DNAJB12: variants seen among roughly 807,000 people sequenced by gnomAD.
DNAJB12 encodes the protein DnaJ heat shock protein family (Hsp40) member B12.
DNAJB12 carries 14 observed loss-of-function variants against 40.6 expected under a neutral mutation model. That is an observed-to-expected ratio of 0.34 (90% CI 0.23 to 0.54). The LOEUF is 0.54. Among genes scored for constraint, DNAJB12 ranks in the 20% least tolerant of loss-of-function variants. The probability of loss-of-function intolerance (pLI) is 0.92; values close to 1 mark genes in which losing one functional copy is unlikely to be tolerated. For synonymous variants in DNAJB12, 181 were observed against 199.5 expected, an observed-to-expected ratio of 0.91 and a Z score of 0.78; for missense variants, 444 against 501.7, an observed-to-expected ratio of 0.89 and a Z score of 1.10.
chr10:72,340,642 G>A (rs1421517947), intron 5 of DNAJB12, 147 bp downstream of exon 5: 7 of 752,250 alleles, frequency 9.3e-6, no homozygotes, highest in Non-Finnish European at 1.3e-5. Flanking sequence ...TGGCAAGGGA[G>A]GCCCAGAGGG....
chr10:72,345,731 C>T (rs900170779), intron 1 of DNAJB12, among the ~76,000 whole-genome samples: 121 of 150,960 alleles, frequency 8.0e-4, no homozygotes, highest in Non-Finnish European at 1.3e-3. Flanking sequence ...AAAAAAAAAC[C>T]CCAAAAGACA....
intron 1 of DNAJB12, among the ~76,000 whole-genome samples, chr10:72,352,355 G>T (rs903732000): frequency 6.6e-6 from 1 of 152,056 alleles, no homozygotes; most frequent in Non-Finnish European, 1.5e-5. Flanking sequence ...TCCCCCAAAC[G>T]TTACAACTTT....
intron 5 of DNAJB12, 57 bp downstream of exon 5, chr10:72,340,732 T>G: frequency 6.4e-7 from 1 of 1,560,494 alleles, no homozygotes; most frequent in Non-Finnish European, 8.8e-7. Flanking sequence ...CCAAGCCCCC[T>G]CCCTGGGGTG....
chr10:72,341,359 C>T (rs1564819984), intron 3 of DNAJB12, among the ~76,000 whole-genome samples, 189 bp from the exon 4 acceptor site: 1 of 152,168 alleles, frequency 6.6e-6, no homozygotes, highest in Non-Finnish European at 1.5e-5. Context: ...TGGATCTGGG[C>T]AGCCTGGCTG....
At chr10:72,354,670 A>C in intron 1 of DNAJB12, 95 bp downstream of exon 1, 6 of 1,153,580 alleles carry the variant, frequency 5.2e-6, no homozygotes, top group Non-Finnish European at 7.3e-6. Context: ...GCGCCTCGCC[A>C]CCCCTCCCCC....
chr10:72,348,313 T>C (rs1020350259), intron 1 of DNAJB12, among the ~76,000 whole-genome samples: 11 of 152,210 alleles, frequency 7.2e-5, no homozygotes, highest in Non-Finnish European at 1.3e-4. Context: ...CCTGTGTCCA[T>C]TTATTCCAGG....
intron 7 of DNAJB12, 71 bp downstream of exon 7, chr10:72,336,453 C>T: frequency 2.0e-6 from 3 of 1,511,152 alleles, no homozygotes; most frequent in East Asian, 2.3e-5. Context: ...AGGGCTCTCT[C>T]CTTCCCCTGC....
intron 5 of DNAJB12, among the ~76,000 whole-genome samples, chr10:72,340,415 A>T (rs558022511): frequency 1.3e-5 from 2 of 152,358 alleles, no homozygotes; most frequent in Admixed American, 6.5e-5. Flanking sequence ...AATGAAAAAT[A>T]AAATAAAATT....
At chr10:72,341,972 C>T (rs747583788) in intron 3 of DNAJB12, among the ~76,000 whole-genome samples, 8 of 152,252 alleles carry the variant, frequency 5.3e-5, no homozygotes, top group Non-Finnish European at 1.0e-4. Flanking sequence ...TCTCTCTTGA[C>T]GTGCCCAATA....
At chr10:72,351,064 C>A (rs1194219072) in intron 1 of DNAJB12, among the ~76,000 whole-genome samples, 9 of 152,166 alleles carry the variant, frequency 5.9e-5, no homozygotes, top group African/African-American at 9.7e-5. Flanking sequence ...TGCAAGGAAC[C>A]TCAGGATCAT....
Position 72,334,239 on chromosome 10 carries a change from T to C in DNAJB12, c.*409A>G. On this transcript the variant is annotated 3_prime_UTR_variant, in exon 9 of 9. Coordinates refer to ENST00000444643, the MANE Select transcript of DNAJB12 (RefSeq NM_017626.7). ...CTTCCTCCTATCTTTGGCCAGGGCC[T>C]CTGGCTTCTCCTGAGAGGTGGCTGG... The C allele has an allele frequency of 2.7e-6, 1 of 370,822 alleles. No individual in the cohort carries two copies. The highest frequency in any genetic ancestry group is 2.8e-5 in the South Asian group (1 of 35,194). 23.0% of individuals were successfully genotyped at this position (370,822 alleles called of 1,614,324 possible). A position where few individuals can be genotyped will look rare whatever the true frequency, so the allele number is the denominator to read the frequency against.
rs1030278005 is a variant in DNAJB12 at position 72,352,084 on chromosome 10, C to T, written c.133+2681G>A. On this transcript the variant is annotated intron_variant, in intron 1 of 8. Coordinates refer to ENST00000444643, the MANE Select transcript of DNAJB12 (RefSeq NM_017626.7). ...CCAACCAGCTCAAGGCAATTCTCTC[C>T]TATTGGCTTCCTGCCCTGAAGCTCT... Among the ~76,000 whole-genome samples the T allele has an allele frequency of 7.2e-5, 11 of 152,318 alleles. No individual in the cohort carries two copies. The East Asian group carries it at 1.5e-3, about 21-fold the overall frequency.
intron 1 of DNAJB12, among the ~76,000 whole-genome samples, chr10:72,350,910 C>T (rs946950614): frequency 6.6e-6 from 1 of 152,196 alleles, no homozygotes; most frequent in Non-Finnish European, 1.5e-5. Context: ...ACCTCGCCAG[C>T]ACCAGAACAT....
chr10:72,354,690 T>A, intron 1 of DNAJB12, 75 bp downstream of exon 1: 20 of 1,134,844 alleles, frequency 1.8e-5, no homozygotes, highest in East Asian at 2.5e-5. Context: ...CTCCCCCAAC[T>A]GCTCCCGTCG....
In DNAJB12 at chr10:72,338,219, G is replaced by A; in HGVS notation, c.816C>T (p.Tyr272=). 6.2e-7 allele frequency: 1 copy of A among 1,614,066 alleles called. No individual in the cohort carries two copies. The highest frequency in any genetic ancestry group is 8.5e-7 in the Non-Finnish European group (1 of 1,179,966). ...LSQLMVSSPP[Y]SLSPRPSVGH... ...GTACTCACGGTCTTGGACTCAGACT[G>A]TAGGGTGGACTGGAGACCATGAGCT... The change falls in exon 6 of 9, where the codon TAC becomes TAT. Residue 272 remains tyrosine (Y), a synonymous_variant. Transcript: ENST00000444643.
intron 5 of DNAJB12, among the ~76,000 whole-genome samples, chr10:72,339,430 A>C (rs1424790675): frequency 6.6e-6 from 1 of 151,956 alleles, no homozygotes; most frequent in Admixed American, 6.6e-5. Flanking sequence ...GCTACGTAGG[A>C]GCCTGAGACA....
At chr10:72,336,393 G>T in intron 7 of DNAJB12, 131 bp downstream of exon 7, 2 of 976,388 alleles carry the variant, frequency 2.0e-6, no homozygotes, top group Non-Finnish European at 3.0e-6. Flanking sequence ...CTGGGAGGTG[G>T]CTGGTGCAGG....
In DNAJB12 at chr10:72,354,616, C is replaced by T. The variant is rs569741314; in HGVS notation, c.133+149G>A. 35 of 702,740 alleles carry T rather than the reference C, an allele frequency of 5.0e-5. No homozygotes were observed. The African/African-American group carries it at 6.0e-4, about 12-fold the overall frequency. The allele number at this position is 702,740 out of a possible 1,614,324, so 43.5% of individuals were successfully genotyped here. A position where few individuals can be genotyped will look rare whatever the true frequency, so the allele number is the denominator to read the frequency against. ...GCAGAGGAACAAGAGGGAAAAACTA[C>T]GCCTCCCAGCAGCCACCGCGCGCCT... is the stretch of plus-strand genomic sequence containing the variant. On this transcript the variant is annotated intron_variant, in intron 1 of 8. Transcript: ENST00000444643.
chr10:72,343,342 G>A, intron 3 of DNAJB12, 24 bp downstream of exon 3: 1 of 1,606,468 alleles, frequency 6.2e-7, no homozygotes, highest in Non-Finnish European at 8.5e-7. Context: ...ACACCAAAAT[G>A]CTAGGAAAGC....
Sources: gnomAD v4.1 joint callset for allele counts (sites outside exome capture counted in the v4.1 genomes callset) on GRCh38, gnomAD v4.1.1 for gene constraint, MANE v1.5 for transcripts, NCBI Gene and HGNC (gene_info 2026-07-23, HGNC 2026-07-21) for gene names.